FLVCR2: variants seen among roughly 807,000 people sequenced by gnomAD.
FLVCR2 encodes the protein FLVCR choline and putative heme transporter 2.
A neutral mutation model predicts 48.9 loss-of-function variants in FLVCR2; 38 were observed. The ratio of observed to expected loss-of-function variants is 0.78; its 90% confidence interval spans 0.60 to 1.02. FLVCR2 has a LOEUF of 1.02. Ranked by LOEUF, FLVCR2 falls within the 50% of genes least tolerant of loss-of-function variation. The pLI, the probability that FLVCR2 is intolerant of heterozygous loss-of-function variation, is 0.00. For synonymous variants in FLVCR2, 255 were observed against 257.0 expected, an observed-to-expected ratio of 0.99 and a Z score of 0.07; for missense variants, 664 against 663.3, an observed-to-expected ratio of 1.00 and a Z score of -0.01.
chr14:75,617,238 C>T (rs1889641842), intron 1 of FLVCR2, among the ~76,000 whole-genome samples: 1 of 152,130 alleles, frequency 6.6e-6, no homozygotes, highest in African/African-American at 2.4e-5. Context: ...GAGCTAGAAT[C>T]ACAAGTGAGA....
chr14:75,631,647 C>G, intron 3 of FLVCR2: 1 of 404,040 alleles, frequency 2.5e-6, no homozygotes, highest in Non-Finnish European at 4.9e-6. Context: ...CATTCCTTGC[C>G]CTTTGCAGTA....
At chr14:75,640,930 C>T (rs754909153) in intron 6 of FLVCR2, 25 bp from the exon 7 acceptor site, 39 of 1,540,576 alleles carry the variant, frequency 2.5e-5, no homozygotes, top group Non-Finnish European at 3.4e-5. Context: ...TCTTCATCCC[C>T]TTGTTTCTCT....
At chr14:75,583,742 G>A (rs552646338) in intron 1 of FLVCR2, among the ~76,000 whole-genome samples, 18 of 152,252 alleles carry the variant, frequency 1.2e-4, no homozygotes, top group Admixed American at 1.2e-3. Flanking sequence ...GTTTTAAGAG[G>A]TTTAGAAGCC....
At chr14:75,637,374 C>T (rs1040200735) in intron 5 of FLVCR2, among the ~76,000 whole-genome samples, 5 of 152,230 alleles carry the variant, frequency 3.3e-5, no homozygotes, top group East Asian at 1.9e-4. Flanking sequence ...ACAACCGTAG[C>T]GTGCCATTTG....
At chr14:75,643,010 C>A (rs1028462322) in intron 9 of FLVCR2, among the ~76,000 whole-genome samples, 1 of 152,114 alleles carries the variant, frequency 6.6e-6, no homozygotes, top group African/African-American at 2.4e-5. Context: ...TGCAGGTGCA[C>A]GCCACTATGC....
At chr14:75,593,549 G>C (rs1594793007) in intron 1 of FLVCR2, among the ~76,000 whole-genome samples, 1 of 152,330 alleles carries the variant, frequency 6.6e-6, no homozygotes, top group East Asian at 1.9e-4. Flanking sequence ...TCTTGCGAGA[G>C]TGAGAATCTG....
chr14:75,632,854 GAGTTGTCATAA>G, intron 3 of FLVCR2: 1 of 702,332 alleles, frequency 1.4e-6, no homozygotes, highest in East Asian at 2.7e-5. Flanking sequence ...CTACTTTCTA[GAGTTGTCATAA>G]AGTGTCTAAT....
chr14:75,617,355 A>C (rs1353369548), intron 1 of FLVCR2, among the ~76,000 whole-genome samples: 4 of 152,196 alleles, frequency 2.6e-5, no homozygotes, highest in Non-Finnish European at 4.4e-5. Context: ...TACTGACATT[A>C]CAGTAGCATT....
chr14:75,637,013 C>T (rs1260203160), intron 5 of FLVCR2, among the ~76,000 whole-genome samples: 4 of 152,144 alleles, frequency 2.6e-5, no homozygotes, highest in African/African-American at 9.7e-5. Flanking sequence ...AGCTCCTCTA[C>T]CCTTAGCAGC....
intron 1 of FLVCR2, among the ~76,000 whole-genome samples, chr14:75,595,076 T>A (rs1888985291): frequency 6.6e-6 from 1 of 152,222 alleles, no homozygotes; most frequent in Non-Finnish European, 1.5e-5. Context: ...GATTGAGTCT[T>A]TAACCCATAG....
Position 75,646,581 on chromosome 14 carries a change from AG to A in FLVCR2, c.*110del. ...GCTAGAGATGTTTTTGGAGGGAATC[AG>A]TGGGACTATTTGTGGCATGGATGGC... On this transcript the variant is annotated 3_prime_UTR_variant, in exon 10 of 10. Coordinates refer to ENST00000238667, the MANE Select transcript of FLVCR2 (RefSeq NM_017791.3). 1.3e-6 allele frequency: 1 copy of A among 791,510 alleles called. No homozygotes were observed. The highest frequency in any genetic ancestry group is 2.2e-6 in the Non-Finnish European group (1 of 450,794). 49.0% of individuals were successfully genotyped at this position (791,510 alleles called of 1,614,324 possible).
chr14:75,639,406 GT>G lies in FLVCR2; in HGVS notation c.1182del (p.Phe394LeufsTer3). 1 of 1,614,138 alleles carries G rather than the reference GT, an allele frequency of 6.2e-7. No individual in the cohort carries two copies. Among genetic ancestry groups the G allele is most frequent in the Non-Finnish European group, 8.5e-7 (1 of 1,179,976 alleles). ...CACTGGTGGGCATGGTGGTGTACAC[GT>G]TTACCTTGAACCTGGGACACCTGTG... Reference protein sequence around the residue: ...MTLVGMVVYTFTLNLGHLWVV... With the variant: ...MTLVGMVVYTXTLNLGHLWVV... On this transcript the variant is annotated frameshift_variant, in exon 6 of 10. Coordinates refer to ENST00000238667, the MANE Select transcript of FLVCR2 (RefSeq NM_017791.3). LOFTEE classifies it high-confidence loss of function.
At chr14:75,646,285 G>A (rs1452274020) in intron 9 of FLVCR2, 116 bp from the exon 10 acceptor site, 6 of 733,120 alleles carry the variant, frequency 8.2e-6, no homozygotes, top group South Asian at 2.9e-5. Flanking sequence ...CTGGGATGCT[G>A]AGTGGCCCCC....
intron 4 of FLVCR2, among the ~76,000 whole-genome samples, chr14:75,634,004 T>C (rs982114954): frequency 3.3e-5 from 5 of 151,896 alleles, no homozygotes; most frequent in Non-Finnish European, 7.4e-5. Flanking sequence ...AGAGAGTAAA[T>C]AATGACGCTT....
At chr14:75,640,811 G>A (rs1022166152) in intron 6 of FLVCR2, 144 bp from the exon 7 acceptor site, 3 of 708,106 alleles carry the variant, frequency 4.2e-6, no homozygotes, top group African/African-American at 1.7e-5. Context: ...ATCACATAGA[G>A]GATGCCCAGA....
chr14:75,597,808 G>A (rs1295670901), intron 1 of FLVCR2, among the ~76,000 whole-genome samples: 1 of 152,096 alleles, frequency 6.6e-6, no homozygotes, highest in African/African-American at 2.4e-5. Context: ...GACCTCAGGT[G>A]ATCCGCCCAT....
chr14:75,607,552 A>C (rs1889326464), intron 1 of FLVCR2, among the ~76,000 whole-genome samples: 2 of 152,148 alleles, frequency 1.3e-5, no homozygotes, highest in South Asian at 4.1e-4. Context: ...AGAAGTCTCG[A>C]TGTTGATGAT....
intron 1 of FLVCR2, among the ~76,000 whole-genome samples, chr14:75,602,986 C>A (rs1889202123): frequency 6.6e-6 from 1 of 152,182 alleles, no homozygotes; most frequent in Non-Finnish European, 1.5e-5. Context: ...CCTGCTGGGT[C>A]TGTTCCAACA....
At chr14:75,617,971 C>A (rs1889657984) in intron 1 of FLVCR2, among the ~76,000 whole-genome samples, 1 of 152,150 alleles carries the variant, frequency 6.6e-6, no homozygotes, top group Non-Finnish European at 1.5e-5. Context: ...GGTGCAAACT[C>A]CCCATGGTCA....
Sources: gnomAD v4.1 joint callset for allele counts (sites outside exome capture counted in the v4.1 genomes callset) on GRCh38, gnomAD v4.1.1 for gene constraint, MANE v1.5 for transcripts, NCBI Gene and HGNC (gene_info 2026-07-23, HGNC 2026-07-21) for gene names.